PIK3CD: variants seen among roughly 807,000 people sequenced by gnomAD.
PIK3CD encodes the protein phosphatidylinositol 4,5-bisphosphate 3-kinase catalytic subunit delta isoform.
In PIK3CD, 20 loss-of-function variants were observed where a neutral mutation model predicts 122.9. The observed-to-expected ratio is 0.16, with a 90% CI of 0.11 to 0.24. The LOEUF (loss-of-function observed/expected upper bound fraction) is 0.24, where lower values mean the gene tolerates loss of function less well. Among genes scored for constraint, PIK3CD ranks in the 10% least tolerant of loss-of-function variants. The probability of loss-of-function intolerance (pLI) is 1.00; values close to 1 mark genes in which losing one functional copy is unlikely to be tolerated. For synonymous variants in PIK3CD, 596 were observed against 593.4 expected (o/e 1.00, Z -0.06); for missense variants, 787 against 1,406.3 (o/e 0.56, Z 7.04).
At position 9,727,106 on chromosome 1, in the gene PIK3CD, A is replaced by G. The variant is rs2101044014; in HGVS notation, c.*60A>G. On this transcript the variant is annotated 3_prime_UTR_variant, in exon 24 of 24. Coordinates refer to ENST00000377346, the MANE Select transcript of PIK3CD (RefSeq NM_005026.5). The stretch of plus-strand genomic sequence containing the variant: ...GCTGCGGGTCGTGGGGACCAAGCAC[A>G]TTGGTCCTAAAGGGGCTGAAGAGCC... 2 of 1,597,930 alleles carry G rather than the reference A, an allele frequency of 1.3e-6. No homozygotes were observed. The highest frequency in any genetic ancestry group is 1.7e-6 in the Non-Finnish European group (2 of 1,166,608).
chr1:9,642,466 C>G, the PIK3CD span, among the ~76,000 whole-genome samples: 1 of 150,476 alleles, frequency 6.6e-6, no homozygotes, highest in Admixed American at 6.6e-5. Flanking sequence ...GCCTGTAATC[C>G]CAGCACTTTG....
the PIK3CD span, among the ~76,000 whole-genome samples, chr1:9,643,644 G>A: frequency 2.0e-5 from 3 of 152,150 alleles, no homozygotes; most frequent in Admixed American, 6.6e-5. Flanking sequence ...TCTGTGTCAG[G>A]TACAGTTATA....
chr1:9,659,976 C>T (rs370648707), intron 1 of PIK3CD, among the ~76,000 whole-genome samples: 8 of 152,172 alleles, frequency 5.3e-5, no homozygotes, highest in South Asian at 2.1e-4. Context: ...AGTGCAATGG[C>T]GCGATCTTGG....
At chr1:9,711,101 G>T (rs546330887) in intron 3 of PIK3CD, among the ~76,000 whole-genome samples, 10 of 151,942 alleles carry the variant, frequency 6.6e-5, no homozygotes, top group African/African-American at 2.2e-4. Context: ...GGTTTTTTTG[G>T]TTTTTGTTTT....
the PIK3CD span, among the ~76,000 whole-genome samples, chr1:9,644,307 G>C: frequency 6.6e-6 from 1 of 152,016 alleles, no homozygotes; most frequent in African/African-American, 2.4e-5. Flanking sequence ...CTGAGGTCAG[G>C]AGTTTGAGAC....
intron 15 of PIK3CD, 79 bp from the exon 16 acceptor site, chr1:9,721,682 T>TGGCCTCGCTAGGTCCTGCTG: frequency 6.2e-7 from 1 of 1,602,144 alleles, no homozygotes; most frequent in Non-Finnish European, 8.5e-7. Flanking sequence ...CTGGGTGTCC[T>TGGCCTCGCTAGGTCCTGCTG]GGCCTCGCTA....
At position 9,724,229 on chromosome 1, in the gene PIK3CD, C is replaced by T. The variant is rs28730678; in HGVS notation, c.2719-47C>T. 33 of 1,613,380 alleles carry T rather than the reference C, an allele frequency of 2.0e-5. No homozygotes were observed. The highest frequency in any genetic ancestry group is 2.6e-5 in the Non-Finnish European group (31 of 1,179,796). On this transcript the variant is annotated intron_variant, in intron 21 of 23. Transcript: ENST00000377346. This position sits in a 1 kb window ranked among gnomAD's most constrained non-coding sequence, Gnocchi z 7.3. ...CTTCCTGTCTCCCCTGGATTCTCTC[C>T]TGTCTGACACCTTCTCAATCCTCCC... is the stretch of plus-strand genomic sequence containing the variant.
At chr1:9,702,499 CCTTTTTTT>C (rs1646675566) in intron 2 of PIK3CD, among the ~76,000 whole-genome samples, 1 of 21,710 alleles carries the variant, frequency 4.6e-5, no homozygotes, top group South Asian at 2.0e-3. Flanking sequence ...AAAGAACTTT[CCTTTTTTT>C]TTTTTTTTTT....
rs916048899 is a variant in PIK3CD, at chr1:9,728,453, C to T, written c.*1407C>T. ...AACATATCAGGCCATGGACTCAGGA[C>T]CTGCCCGGTGATGCTGTTGATTTCT... On this transcript the variant is annotated 3_prime_UTR_variant, in exon 24 of 24. Transcript: ENST00000377346. 6.6e-6 allele frequency: 1 copy of T among 152,234 alleles called. No individual in the cohort carries two copies. The highest frequency in any genetic ancestry group is 1.5e-5 in the Non-Finnish European group (1 of 68,058). The allele number at this position is 152,234 out of a possible 1,614,324, so 9.4% of individuals were successfully genotyped here.
rs115689727 is a variant in PIK3CD at position 9,699,719 on chromosome 1, C to T, written c.-33+8148C>T. On this transcript the variant is annotated intron_variant, in intron 2 of 23. Transcript: ENST00000377346. Reference sequence around the variant, plus strand: ...TCAAGGATTCTCCTGCCTCAGCCTACTTGGGATTATAGGTGTGTGCCACCA... The same window carrying T: ...TCAAGGATTCTCCTGCCTCAGCCTATTTGGGATTATAGGTGTGTGCCACCA... Among the ~76,000 whole-genome samples, 1,139 of 152,128 alleles carry T rather than the reference C, an allele frequency of 7.5e-3. 14 individuals are homozygous for T. Among genetic ancestry groups the T allele is most frequent in the Middle Eastern group, 0.031 (9 of 294 alleles).
chr1:9,690,718 G>A (rs1646167933), intron 1 of PIK3CD, among the ~76,000 whole-genome samples: 1 of 152,206 alleles, frequency 6.6e-6, no homozygotes, highest in Admixed American at 6.5e-5. Context: ...TTTTCCAGCG[G>A]GTTCCTAGGG....
chr1:9,724,678 T>C lies in PIK3CD; in HGVS notation c.2865-126T>C. On this transcript the variant is annotated intron_variant, in intron 22 of 23. Transcript: ENST00000377346. This position sits in a 1 kb window ranked among gnomAD's most constrained non-coding sequence, Gnocchi z 7.3. ...GGTCAGTTAGCAGAACTGGAGGCCT[T>C]GTGTCCACCCATTATCAGGGCAAGG... 1 of 1,298,560 alleles carries C rather than the reference T, an allele frequency of 7.7e-7. No homozygotes were observed. The allele number at this position is 1,298,560 out of a possible 1,614,324, so 80.4% of individuals were successfully genotyped here.
Position 9,724,726 on chromosome 1 carries a change from C to T in PIK3CD, c.2865-78C>T. The T allele has an allele frequency of 1.3e-6, 2 of 1,574,616 alleles. No homozygotes were observed. Among genetic ancestry groups the T allele is most frequent in the Admixed American group, 1.7e-5 (1 of 59,984 alleles). ...AGGGCAGGTGTCCTTGGGGAAGGGG[C>T]TGGTTGGATGCAGAGCGGCCCTCTG... On this transcript the variant is annotated intron_variant, in intron 22 of 23. Coordinates refer to ENST00000377346, the MANE Select transcript of PIK3CD (RefSeq NM_005026.5). The surrounding 1 kb of genome is among the most constrained non-coding windows in gnomAD (Gnocchi z 7.3).
In PIK3CD at chr1:9,722,981, C is replaced by T; in HGVS notation, c.2427-144C>T. ...GCTGGTGCCGGCATCTCCAAGGAGC[C>T]AGCATCTCTCACCTGCTTTTTAGCA... On this transcript the variant is annotated intron_variant, in intron 19 of 23. Transcript: ENST00000377346. This position sits in a 1 kb window ranked among gnomAD's most constrained non-coding sequence, Gnocchi z 7.6. 1.2e-6 allele frequency: 1 copy of T among 828,462 alleles called. No homozygotes were observed. The highest frequency in any genetic ancestry group is 2.1e-6 in the Non-Finnish European group (1 of 480,224). 51.3% of individuals were successfully genotyped at this position (828,462 alleles called of 1,614,324 possible).
chr1:9,632,947 C>T, the PIK3CD span, among the ~76,000 whole-genome samples: 10 of 149,812 alleles, frequency 6.7e-5, no homozygotes, highest in African/African-American at 1.5e-4. Flanking sequence ...CTGCAAGCTC[C>T]GTCTCCAGGG....
Position 9,728,460 on chromosome 1 carries a change from G to C in PIK3CD, c.*1414G>C, listed in dbSNP as rs145994876. 6.6e-6 allele frequency: 1 copy of C among 152,284 alleles called. No individual in the cohort carries two copies. Among genetic ancestry groups the C allele is most frequent in the Non-Finnish European group, 1.5e-5 (1 of 68,086 alleles). 9.4% of individuals were successfully genotyped at this position (152,284 alleles called of 1,614,324 possible). A position where few individuals can be genotyped will look rare whatever the true frequency, so the allele number is the denominator to read the frequency against. ...CAGGCCATGGACTCAGGACCTGCCC[G>C]GTGATGCTGTTGATTTCTCAAAGGT... is the stretch of plus-strand genomic sequence containing the variant. On this transcript the variant is annotated 3_prime_UTR_variant, in exon 24 of 24. Transcript: ENST00000377346.
chr1:9,637,851 C>T, the PIK3CD span, among the ~76,000 whole-genome samples: 1 of 152,128 alleles, frequency 6.6e-6, no homozygotes, highest in Non-Finnish European at 1.5e-5. Flanking sequence ...CGCCATGGCT[C>T]CCAGCACTTT....
intron 6 of PIK3CD, 53 bp from the exon 7 acceptor site, chr1:9,716,906 C>T (rs1647563260): frequency 6.2e-7 from 1 of 1,612,066 alleles, no homozygotes; most frequent in Non-Finnish European, 8.5e-7. Flanking sequence ...TCCTGGTGTC[C>T]AGGGAGTGGT....
At chr1:9,691,093 A>G (rs1646180489) in intron 1 of PIK3CD, among the ~76,000 whole-genome samples, 2 of 152,194 alleles carry the variant, frequency 1.3e-5, no homozygotes, top group South Asian at 4.1e-4. Flanking sequence ...AAGTTCACCA[A>G]CCTGCTTTTT....
Sources: gnomAD v4.1 joint callset for allele counts (sites outside exome capture counted in the v4.1 genomes callset) on GRCh38, gnomAD v4.1.1 for gene constraint, Gnocchi (gnomAD v3.1) non-coding constraint, MANE v1.5 for transcripts, NCBI Gene and HGNC (gene_info 2026-07-23, HGNC 2026-07-21) for gene names.